Variants in AOPEP observed in about 807,000 individuals in gnomAD.
AOPEP encodes the protein aminopeptidase O (putative).
Under a neutral mutation model 98.1 loss-of-function variants are expected in AOPEP, and 77 were observed. The ratio of observed to expected loss-of-function variants is 0.78; its 90% CI spans 0.65 to 0.95. The LOEUF is 0.95. Among genes scored for constraint, AOPEP ranks in the 40% least tolerant of loss-of-function variants. The probability of loss-of-function intolerance (pLI) is 0.00; values close to 1 mark genes in which losing one functional copy is unlikely to be tolerated. For missense variants in AOPEP, 1,024 were observed against 1,024.7 expected, an observed-to-expected ratio of 1.00 and a Z score of 0.01; for synonymous variants, 346 against 365.3, an observed-to-expected ratio of 0.95 and a Z score of 0.60.
chr9:94,727,678 G>A (rs955068097), intron 1 of AOPEP, among the ~76,000 whole-genome samples: 1 of 152,302 alleles, frequency 6.6e-6, no homozygotes, highest in East Asian at 1.9e-4. Context: ...AATACTTTTA[G>A]TCTGTTCCAT....
At position 94,792,867 on chromosome 9, in the gene AOPEP, C is replaced by T. The variant is rs769179422; in HGVS notation, c.1067C>T (p.Ser356Leu). The T allele has an allele frequency of 4.3e-6, 7 of 1,612,394 alleles. No homozygotes were observed. The highest frequency in any genetic ancestry group is 5.9e-6 in the Non-Finnish European group (7 of 1,179,394). Residue 356 changes from serine to leucine, a missense_variant, in exon 4 of 17, where the codon TCA becomes TTA. Physicochemically the swap from Ser to Leu is moderately radical, Grantham distance 145. Coordinates refer to ENST00000375315, the MANE Select transcript of AOPEP (RefSeq NM_001193329.3). Reference protein sequence around the residue: ...WTEMKMETWSSNDLATERPFS... With the variant: ...WTEMKMETWSLNDLATERPFS... ...GAAATGAAGATGGAGACATGGTCAT[C>T]AAATGATTTGGCAACAGAGAGACCC...
At chr9:94,883,516 G>A (rs546288167) in intron 5 of AOPEP, among the ~76,000 whole-genome samples, 38 of 152,236 alleles carry the variant, frequency 2.5e-4, no homozygotes, top group African/African-American at 7.9e-4. Flanking sequence ...ATGGGCTGAG[G>A]CTCAGCTTTT....
chr9:95,093,432 C>A, the AOPEP span, among the ~76,000 whole-genome samples: 3 of 152,204 alleles, frequency 2.0e-5, no homozygotes, highest in Admixed American at 2.0e-4. Flanking sequence ...ATGGCGCTGT[C>A]TCCTTTTAAA....
chr9:94,846,901 ACT>A (rs1233718854), intron 5 of AOPEP, among the ~76,000 whole-genome samples: 1 of 151,832 alleles, frequency 6.6e-6, no homozygotes, highest in Non-Finnish European at 1.5e-5. Flanking sequence ...ACAGAGCAAG[ACT>A]CTGTCTCTGA....
intron 5 of AOPEP, among the ~76,000 whole-genome samples, chr9:94,884,545 C>T (rs2047959196): frequency 6.6e-6 from 1 of 152,168 alleles, no homozygotes; most frequent in Non-Finnish European, 1.5e-5. Context: ...TGGAGCAGGA[C>T]CGCAGGGTGC....
At position 94,760,511 on chromosome 9, in the gene AOPEP, C is replaced by T. The variant is rs767297321; in HGVS notation, c.728C>T (p.Ala243Val). Reference protein sequence around the residue: ...GAQTATDFPHAIRIWYKTKPE... With the variant: ...GAQTATDFPHVIRIWYKTKPE... ...CAGACAGCTACTGACTTTCCTCATG[C>T]TATCAGGATATGGTACAAAACTAAA... Residue 243 changes from alanine (A) to valine (V), a missense_variant, in exon 2 of 17, where the codon GCT becomes GTT. Ala to Val is a moderately conservative substitution (Grantham distance 64). Coordinates refer to ENST00000375315, the MANE Select transcript of AOPEP (RefSeq NM_001193329.3). 21 of 1,605,252 alleles carry T rather than the reference C, an allele frequency of 1.3e-5. No individual in the cohort carries two copies. Among genetic ancestry groups the T allele is most frequent in the Non-Finnish European group, 1.7e-5 (20 of 1,176,766 alleles).
chr9:94,736,482 T>A lies in AOPEP; in HGVS notation c.-136+9731T>A, dbSNP rs1831808615. Reference sequence around the variant, plus strand: ...TTTCTTTTCTTTTCCAATCTCTTCATTTTTACTCTACCGAACCCTATAACC... The same window carrying A: ...TTTCTTTTCTTTTCCAATCTCTTCAATTTTACTCTACCGAACCCTATAACC... On this transcript the variant is annotated intron_variant, in intron 1 of 16. Coordinates refer to ENST00000375315, the MANE Select transcript of AOPEP (RefSeq NM_001193329.3). Among the ~76,000 whole-genome samples the A allele has an allele frequency of 2.0e-5, 3 of 152,176 alleles. No homozygotes were observed. In the South Asian group the frequency reaches 6.2e-4, roughly 32 times the overall value.
chr9:95,110,452 G>GAA, the AOPEP span: 1 of 1,028,082 alleles, frequency 9.7e-7, no homozygotes, highest in Non-Finnish European at 1.2e-6. Flanking sequence ...TTTTAAAGGG[G>GAA]AAGAAATAAA....
intron 1 of AOPEP, among the ~76,000 whole-genome samples, chr9:94,733,708 G>A (rs574481044): frequency 4.0e-4 from 61 of 152,266 alleles, no homozygotes; most frequent in Non-Finnish European, 8.2e-4. Flanking sequence ...TCAGTTGCCT[G>A]TTTAAATTTA....
At chr9:95,094,527 C>T in the AOPEP span, among the ~76,000 whole-genome samples, 2,066 of 152,264 alleles carry the variant, frequency 0.014, 45 homozygotes, top group African/African-American at 0.046. Flanking sequence ...ATGCAGCTTC[C>T]TGTCTTTGAG....
chr9:95,107,348 G>T, the AOPEP span: 1 of 1,481,412 alleles, frequency 6.8e-7, no homozygotes, highest in Non-Finnish European at 9.2e-7. Flanking sequence ...TATTTGCTTT[G>T]AAACAACCCC....
intron 7 of AOPEP, among the ~76,000 whole-genome samples, chr9:94,949,537 A>G (rs1346484466): frequency 6.6e-6 from 1 of 152,194 alleles, no homozygotes; most frequent in African/African-American, 2.4e-5. Context: ...CACCAGAGGA[A>G]TATCTTTCTG....
chr9:95,083,966 T>C (rs191882106), intron 16 of AOPEP, among the ~76,000 whole-genome samples: 238 of 152,360 alleles, frequency 1.6e-3, no homozygotes, highest in African/African-American at 5.4e-3. Flanking sequence ...TCTACACTAT[T>C]AAAGCAACCT....
At chr9:94,855,090 TG>T (rs1422608923) in intron 5 of AOPEP, among the ~76,000 whole-genome samples, 5 of 152,130 alleles carry the variant, frequency 3.3e-5, no homozygotes, top group African/African-American at 1.2e-4. Context: ...TATTTATTTT[TG>T]TTTTGAGACA....
At chr9:95,145,527 A>G in the AOPEP span, 2 of 152,238 alleles carry the variant, frequency 1.3e-5, no homozygotes, top group African/African-American at 4.8e-5. Flanking sequence ...AACTAGAAAA[A>G]TTGGTTTCAA....
intron 5 of AOPEP, among the ~76,000 whole-genome samples, chr9:94,842,204 A>G (rs891936086): frequency 3.9e-5 from 6 of 152,024 alleles, no homozygotes; most frequent in Non-Finnish European, 7.4e-5. Context: ...TCTACTAAAA[A>G]TACAAAAATT....
intron 16 of AOPEP, among the ~76,000 whole-genome samples, chr9:95,083,869 GATT>G (rs1452486668): frequency 3.3e-5 from 5 of 152,336 alleles, no homozygotes; most frequent in South Asian, 4.1e-4. Context: ...TGGAGTCCTA[GATT>G]ATTTAAATCA....
In AOPEP at chr9:94,773,085, G is replaced by A. The variant is rs901540960; in HGVS notation, c.881G>A (p.Trp294Ter). 1.2e-6 allele frequency: 2 copies of A among 1,613,964 alleles called. No individual in the cohort carries two copies. Among genetic ancestry groups the A allele is most frequent in the African/African-American group, 2.7e-5 (2 of 74,890 alleles). Reference sequence around the variant, plus strand: ...GAGCCACCCGTTGCCATGTCAACATGGCAGGCTACAGTTCGAGCAGCTGCA... The same window carrying A: ...GAGCCACCCGTTGCCATGTCAACATAGCAGGCTACAGTTCGAGCAGCTGCA... ...CQEPPVAMST[W>*]QATVRAAASF... Residue 294 changes from tryptophan to a stop codon, truncating the protein, a stop_gained, in exon 3 of 17, where the codon TGG becomes TAG. Transcript: ENST00000375315. LOFTEE classifies it high-confidence loss of function.
intron 5 of AOPEP, among the ~76,000 whole-genome samples, chr9:94,859,828 T>C (rs2044704436): frequency 1.3e-5 from 2 of 152,238 alleles, no homozygotes; most frequent in South Asian, 4.1e-4. Context: ...CATCTGTAAA[T>C]GACAGGCACT....
Sources: gnomAD v4.1 joint callset for allele counts (sites outside exome capture counted in the v4.1 genomes callset) on GRCh38, gnomAD v4.1.1 for gene constraint, MANE v1.5 for transcripts, NCBI Gene and HGNC (gene_info 2026-07-23, HGNC 2026-07-21) for gene names.